The following LONRF2 variants were observed in gnomAD, a reference collection of about 807,000 sequenced individuals.
The protein encoded by LONRF2 is LON peptidase N-terminal domain and ring finger 2, also known as LON peptidase N-terminal domain and RING finger protein 2.
Under a neutral mutation model 66.6 loss-of-function variants are expected in LONRF2, and 35 were observed. The ratio of observed to expected loss-of-function variants is 0.53; its 90% CI spans 0.40 to 0.70. LONRF2 has a LOEUF of 0.70. Ranked by LOEUF, LONRF2 falls within the 30% of genes least tolerant of loss-of-function variation. The pLI is 0.00. For synonymous variants in LONRF2, 417 were observed against 418.1 expected (o/e 1.00, Z 0.03); for missense variants, 902 against 1,002.1 (o/e 0.90, Z 1.35).
intron 1 of LONRF2, among the ~76,000 whole-genome samples, chr2:100,317,527 C>T (rs10201394): frequency 2.6e-5 from 4 of 152,142 alleles, no homozygotes; most frequent in African/African-American, 4.8e-5. Flanking sequence ...TCAATATTGT[C>T]TCATATTGTT....
intron 9 of LONRF2, among the ~76,000 whole-genome samples, chr2:100,292,869 T>A (rs1014045832): frequency 6.6e-6 from 1 of 152,168 alleles, no homozygotes; most frequent in Non-Finnish European, 1.5e-5. Flanking sequence ...GTAAAGCTTT[T>A]TCCCCCCCTC....
At chr2:100,317,508 T>G (rs1433878873) in intron 1 of LONRF2, among the ~76,000 whole-genome samples, 3 of 152,216 alleles carry the variant, frequency 2.0e-5, no homozygotes, top group Admixed American at 2.0e-4. Context: ...TTATTGTTAT[T>G]TGAAATAGTC....
At chr2:100,318,100 T>C (rs1675542293) in intron 1 of LONRF2, among the ~76,000 whole-genome samples, 1 of 152,232 alleles carries the variant, frequency 6.6e-6, no homozygotes, top group Admixed American at 6.5e-5. Flanking sequence ...ATTTCATCGA[T>C]GTTGGAACTT....
At position 100,322,128 on chromosome 2, in the gene LONRF2, A is replaced by T. The variant is rs1222223638; in HGVS notation, c.-35T>A. Reference sequence around the variant, plus strand: ...GCTGCGACGACGCGGGTCCGGAGCGAAGGCGCGGAGCAGGGAGGATGCGCT... The same window carrying T: ...GCTGCGACGACGCGGGTCCGGAGCGTAGGCGCGGAGCAGGGAGGATGCGCT... On this transcript the variant is annotated 5_prime_UTR_variant, in exon 1 of 12. Transcript: ENST00000393437. The T allele has an allele frequency of 6.5e-6, 8 of 1,236,416 alleles. No homozygotes were observed. Among genetic ancestry groups the T allele is most frequent in the Non-Finnish European group, 8.1e-6 (8 of 990,470 alleles). 76.6% of individuals were successfully genotyped at this position (1,236,416 alleles called of 1,614,324 possible). A position where few individuals can be genotyped will look rare whatever the true frequency, so the allele number is the denominator to read the frequency against.
chr2:100,298,747 G>A, intron 7 of LONRF2, 89 bp downstream of exon 7: 1 of 883,124 alleles, frequency 1.1e-6, no homozygotes, highest in Non-Finnish European at 1.9e-6. Context: ...TTTAACAACT[G>A]GGTGGGGGAA....
chr2:100,297,407 G>A (rs1675092447), intron 7 of LONRF2, among the ~76,000 whole-genome samples: 2 of 152,166 alleles, frequency 1.3e-5, no homozygotes, highest in Admixed American at 1.3e-4. Flanking sequence ...AAAGTGCTGG[G>A]ATTACAGGCG....
intron 10 of LONRF2, among the ~76,000 whole-genome samples, chr2:100,288,719 C>A (rs1186006602): frequency 2.6e-5 from 4 of 152,220 alleles, no homozygotes; most frequent in African/African-American, 9.6e-5. Flanking sequence ...GATGAAGCCA[C>A]GCGGTATGTG....
At chr2:100,294,476 A>G in intron 8 of LONRF2, 89 bp from the exon 9 acceptor site, 2 of 1,224,112 alleles carry the variant, frequency 1.6e-6, no homozygotes, top group South Asian at 3.4e-5. Flanking sequence ...AAGCCAGCCA[A>G]CCTCAGTTCT....
chr2:100,310,455 G>A (rs902377362), intron 1 of LONRF2, among the ~76,000 whole-genome samples: 1 of 152,114 alleles, frequency 6.6e-6, no homozygotes, highest in Non-Finnish European at 1.5e-5. Flanking sequence ...CTACCCACTT[G>A]GTGCTTTCCA....
At chr2:100,305,269 C>A (rs867065305) in intron 2 of LONRF2, among the ~76,000 whole-genome samples, 1 of 152,162 alleles carries the variant, frequency 6.6e-6, no homozygotes, top group Admixed American at 6.5e-5. Context: ...AGAAACTCTC[C>A]TCCAGCTTCT....
At chr2:100,303,463 C>T (rs1675227461) in intron 2 of LONRF2, among the ~76,000 whole-genome samples, 1 of 152,196 alleles carries the variant, frequency 6.6e-6, no homozygotes, top group South Asian at 2.1e-4. Context: ...CTAAGTGCCA[C>T]AATAAAAGTA....
intron 2 of LONRF2, among the ~76,000 whole-genome samples, chr2:100,305,888 GTTA>G (rs973945656): frequency 6.6e-6 from 1 of 152,040 alleles, no homozygotes; most frequent in African/African-American, 2.4e-5. Context: ...GTACAAAATT[GTTA>G]TTATTATTAT....
At position 100,298,877 on chromosome 2, in the gene LONRF2, G is replaced by A. The variant is rs754701521; in HGVS notation, c.1435C>T (p.His479Tyr). The A allele has an allele frequency of 6.2e-7, 1 of 1,613,998 alleles. No individual in the cohort carries two copies. The highest frequency in any genetic ancestry group is 8.5e-7 in the Non-Finnish European group (1 of 1,180,006). ...CLKCLERCLD[H>Y]APHCPLCKDK... ...TTGCACAAAGGACAGTGTGGGGCGT[G>A]GTCAAGGCAGCGCTCAAGGCATTTT... Residue 479 changes from histidine to tyrosine, a missense_variant, in exon 7 of 12, where the codon CAC becomes TAC. Physicochemically the swap from His to Tyr is moderately conservative, Grantham distance 83. Around this residue, in one of 2 missense-constraint regions of LONRF2, gnomAD observed 317 missense variants for 432.2 expected, o/e 0.73. Coordinates refer to ENST00000393437, the MANE Select transcript of LONRF2 (RefSeq NM_198461.4).
At chr2:100,304,968 T>G (rs1325371831) in intron 2 of LONRF2, among the ~76,000 whole-genome samples, 1 of 152,126 alleles carries the variant, frequency 6.6e-6, no homozygotes, top group Non-Finnish European at 1.5e-5. Context: ...TTCTCCCTGA[T>G]GCCTATGAAA....
rs1674695399 is a variant in LONRF2, at chr2:100,280,573, AGACCAGCCT to A, written c.*3716_*3724del. ...GGCAGATCATGGGGTCAGGAGTTCG[AGACCAGCCT>A]GACCAACATGGTGAAACCCCATCTC... On this transcript the variant is annotated 3_prime_UTR_variant, in exon 12 of 12. Coordinates refer to ENST00000393437, the MANE Select transcript of LONRF2 (RefSeq NM_198461.4). The A allele has an allele frequency of 6.6e-6, 1 of 152,098 alleles. No homozygotes were observed. The highest frequency in any genetic ancestry group is 1.5e-5 in the Non-Finnish European group (1 of 68,046). 9.4% of individuals were successfully genotyped at this position (152,098 alleles called of 1,614,324 possible).
At chr2:100,291,179 T>G (rs1674952729) in intron 9 of LONRF2, among the ~76,000 whole-genome samples, 1 of 150,130 alleles carries the variant, frequency 6.7e-6, no homozygotes, top group Admixed American at 6.6e-5. Context: ...ATTCAGCTAT[T>G]TTTTTTTTAA....
At position 100,294,355 on chromosome 2, in the gene LONRF2, G is replaced by A; in HGVS notation, c.1631C>T (p.Ala544Val). ...ACATGGGACCGTGGGGAAGGCCATG[G>A]CACACACAAAGATGGGGACGTCTCT... ...LTRDVPIFVCAMAFPTVPCPL... is the reference protein window; with the variant it reads ...LTRDVPIFVCVMAFPTVPCPL... Residue 544 changes from alanine (A) to valine (V), a missense_variant, in exon 9 of 12, where the codon GCC (alanine) becomes GTC (valine). Coordinates refer to ENST00000393437, the MANE Select transcript of LONRF2 (RefSeq NM_198461.4). 6.3e-7 allele frequency: 1 copy of A among 1,599,158 alleles called. No individual in the cohort carries two copies. Among genetic ancestry groups the A allele is most frequent in the Non-Finnish European group, 8.5e-7 (1 of 1,174,826 alleles).
rs1044524812 is a variant in LONRF2, at chr2:100,283,584, T to TAC, written c.*713_*714insGT. 2 of 151,582 alleles carry TAC rather than the reference T, an allele frequency of 1.3e-5. No homozygotes were observed. The highest frequency in any genetic ancestry group is 4.9e-5 in the African/African-American group (2 of 41,182). 9.4% of individuals were successfully genotyped at this position (151,582 alleles called of 1,614,324 possible). A position where few individuals can be genotyped will look rare whatever the true frequency, so the allele number is the denominator to read the frequency against. ...TCACTTTATTGTGTGTAAATATATA[T>TAC]ATATATATCCTCAAGTGAATGATAC... On this transcript the variant is annotated 3_prime_UTR_variant, in exon 12 of 12. Transcript: ENST00000393437.
chr2:100,311,291 T>G (rs1675402610), intron 1 of LONRF2, among the ~76,000 whole-genome samples: 1 of 152,034 alleles, frequency 6.6e-6, no homozygotes, highest in Non-Finnish European at 1.5e-5. Context: ...CAAAGGAGAT[T>G]TGGGGAAAAA....
Sources: gnomAD v4.1 joint callset for allele counts (sites outside exome capture counted in the v4.1 genomes callset) on GRCh38, gnomAD v4.1.1 for gene constraint, gnomAD v4.1.1 regional missense constraint, MANE v1.5 for transcripts, NCBI Gene and HGNC (gene_info 2026-07-23, HGNC 2026-07-21) for gene names.